The following UNC13B variants were observed in gnomAD, a reference collection of about 807,000 sequenced individuals.
The protein encoded by UNC13B is protein unc-13 homolog B.
UNC13B carries 144 observed loss-of-function variants against 211.0 expected under a neutral mutation model. The observed-to-expected ratio is 0.68, with a 90% CI of 0.60 to 0.78. The LOEUF (loss-of-function observed/expected upper bound fraction) is 0.78, where lower values mean the gene tolerates loss of function less well. Among genes scored for constraint, UNC13B ranks in the 30% least tolerant of loss-of-function variants. The pLI is 0.00. For missense variants in UNC13B, 1,777 were observed against 2,002.0 expected, an observed-to-expected ratio of 0.89 and a Z score of 2.14; for synonymous variants, 709 against 725.8, an observed-to-expected ratio of 0.98 and a Z score of 0.37.
At chr9:35,374,745 A>C (rs1219915038) in intron 13 of UNC13B, among the ~76,000 whole-genome samples, 7 of 152,186 alleles carry the variant, frequency 4.6e-5, no homozygotes, top group Non-Finnish European at 8.8e-5. Context: ...ACTCTGACAG[A>C]GTTGTGTGTC....
chr9:35,392,171 G>A (rs1037908498), intron 26 of UNC13B, among the ~76,000 whole-genome samples: 69 of 152,252 alleles, frequency 4.5e-4, no homozygotes, highest in Middle Eastern at 3.4e-3. Context: ...GATGTATTTA[G>A]CATACTGCCT....
At chr9:35,287,284 C>T (rs547123589) in intron 7 of UNC13B, among the ~76,000 whole-genome samples, 4 of 152,168 alleles carry the variant, frequency 2.6e-5, no homozygotes, top group Admixed American at 6.5e-5. Context: ...AGGTGCCCAT[C>T]GCCATGCCTG....
chr9:35,342,318 A>C, intron 11 of UNC13B: 2 of 985,614 alleles, frequency 2.0e-6, no homozygotes, highest in Non-Finnish European at 2.4e-6. Context: ...TAATTTCCTT[A>C]ACCCTTATTT....
At chr9:35,230,467 T>G (rs577913185) in intron 2 of UNC13B, among the ~76,000 whole-genome samples, 200 of 130,198 alleles carry the variant, frequency 1.5e-3, no homozygotes, top group African/African-American at 4.6e-3. Flanking sequence ...CAAGACTCTG[T>G]CTCAAAAAAA....
At chr9:35,371,929 C>T (rs989796204) in intron 13 of UNC13B, 6 of 152,638 alleles carry the variant, frequency 3.9e-5, no homozygotes, top group Admixed American at 2.0e-4. Flanking sequence ...CTGTCCTCTA[C>T]GCAGGCTATG....
At chr9:35,219,408 C>T (rs999699594) in intron 1 of UNC13B, among the ~76,000 whole-genome samples, 43 of 152,036 alleles carry the variant, frequency 2.8e-4, no homozygotes, top group African/African-American at 9.6e-4. Flanking sequence ...TATTAAACAG[C>T]GAGGTATAGA....
intron 1 of UNC13B, among the ~76,000 whole-genome samples, chr9:35,210,145 C>T (rs1219551212): frequency 6.6e-6 from 1 of 152,092 alleles, no homozygotes; most frequent in Admixed American, 6.6e-5. Flanking sequence ...CAAATAATTC[C>T]TAATAAATGT....
intron 26 of UNC13B, among the ~76,000 whole-genome samples, chr9:35,393,798 T>C (rs1027419341): frequency 1.3e-5 from 2 of 151,086 alleles, no homozygotes; most frequent in Admixed American, 1.3e-4. Flanking sequence ...TCTTGAACCC[T>C]AGCCTCAAGT....
chr9:35,377,825 G>C (rs987702678), intron 16 of UNC13B, 130 bp downstream of exon 16: 6 of 978,546 alleles, frequency 6.1e-6, no homozygotes, highest in Non-Finnish European at 9.0e-6. Context: ...GGAAGGAAAG[G>C]CCTCTTTATT....
rs548735418 is a variant in UNC13B, at chr9:35,372,203, C to T, written c.9540+1807C>T. ...AGGAGAATCGCTTGAACCCGGGAGGCGGAAGTTGCAATGAGCTGAGATCGC... is the reference window on the plus strand; with the variant it reads ...AGGAGAATCGCTTGAACCCGGGAGGTGGAAGTTGCAATGAGCTGAGATCGC... On this transcript the variant is annotated intron_variant, in intron 13 of 39. Transcript: ENST00000635942. 8.5e-5 allele frequency among the ~76,000 whole-genome samples: 13 copies of T among 152,298 alleles called. No individual in the cohort carries two copies. In the South Asian group the frequency reaches 1.7e-3, roughly 19 times the overall value.
At chr9:35,389,813 C>T (rs760617041) in intron 24 of UNC13B, 33 bp from the exon 25 acceptor site, 2 of 1,611,878 alleles carry the variant, frequency 1.2e-6, no homozygotes, top group South Asian at 2.2e-5. Context: ...CTGACTCTTT[C>T]TCCCTCTCTC....
At chr9:35,276,812 A>G (rs754295139) in intron 7 of UNC13B, among the ~76,000 whole-genome samples, 8 of 152,216 alleles carry the variant, frequency 5.3e-5, no homozygotes, top group Non-Finnish European at 1.0e-4. Flanking sequence ...AAATTTAATT[A>G]TGCGGTGTCT....
At chr9:35,338,280 C>T (rs892902563) in intron 11 of UNC13B, among the ~76,000 whole-genome samples, 14 of 152,194 alleles carry the variant, frequency 9.2e-5, no homozygotes, top group African/African-American at 2.9e-4. Flanking sequence ...CAAGTTTCTG[C>T]TAATCAGGGA....
At chr9:35,322,856 T>A (rs2131919625) in intron 11 of UNC13B, among the ~76,000 whole-genome samples, 1 of 152,248 alleles carries the variant, frequency 6.6e-6, no homozygotes, top group African/African-American at 2.4e-5. Flanking sequence ...TTTGCCCTCA[T>A]GGAGACTACC....
intron 11 of UNC13B, among the ~76,000 whole-genome samples, chr9:35,332,899 A>G (rs1831452820): frequency 6.6e-6 from 1 of 152,330 alleles, no homozygotes; most frequent in African/African-American, 2.4e-5. Flanking sequence ...TTAAAATAAT[A>G]TATTTTGTAT....
chr9:35,381,283 G>C (rs535199682), intron 19 of UNC13B, 68 bp downstream of exon 19: 1 of 1,386,280 alleles, frequency 7.2e-7, no homozygotes, highest in South Asian at 1.3e-5. Context: ...CCATAAGTAG[G>C]ATTGCTAGGT....
chr9:35,188,777 A>G (rs903330353), intron 1 of UNC13B, among the ~76,000 whole-genome samples: 8 of 152,230 alleles, frequency 5.3e-5, no homozygotes, highest in Non-Finnish European at 1.2e-4. Context: ...TTACTATTAC[A>G]TGAAAATCCT....
At chr9:35,363,919 G>A (rs768471343) in intron 11 of UNC13B, among the ~76,000 whole-genome samples, 3 of 152,200 alleles carry the variant, frequency 2.0e-5, no homozygotes, top group Non-Finnish European at 4.4e-5. Flanking sequence ...TAGGAAAGCA[G>A]CCAGTCGATG....
intron 1 of UNC13B, among the ~76,000 whole-genome samples, chr9:35,198,359 T>A (rs983010047): frequency 6.6e-6 from 1 of 152,338 alleles, no homozygotes; most frequent in East Asian, 1.9e-4. Context: ...CCATGTAATA[T>A]GCGCCTGCTT....
Sources: gnomAD v4.1 joint callset for allele counts (sites outside exome capture counted in the v4.1 genomes callset) on GRCh38, gnomAD v4.1.1 for gene constraint, MANE v1.5 for transcripts, NCBI Gene and HGNC (gene_info 2026-07-23, HGNC 2026-07-21) for gene names.